LIMS1: variants seen among roughly 807,000 people sequenced by gnomAD.
LIMS1 encodes the protein LIM zinc finger domain containing 1.
Under a neutral mutation model 44.1 loss-of-function variants are expected in LIMS1, and 18 were observed. That is an observed-to-expected ratio of 0.41 (90% confidence interval 0.28 to 0.61). The LOEUF (loss-of-function observed/expected upper bound fraction) is 0.61. Ranked by LOEUF, LIMS1 falls within the 20% of genes least tolerant of loss-of-function variation. The probability of loss-of-function intolerance (pLI) is 0.32; values close to 1 mark genes in which losing one functional copy is unlikely to be tolerated. For missense variants in LIMS1, 201 were observed against 422.0 expected (o/e 0.48, Z 4.59); for synonymous variants, 93 against 149.1 (o/e 0.62, Z 2.74).
At chr2:108,593,533 A>G (rs1686513098) in intron 1 of LIMS1, among the ~76,000 whole-genome samples, 1 of 152,230 alleles carries the variant, frequency 6.6e-6, no homozygotes, top group Admixed American at 6.5e-5. Flanking sequence ...TCCAGATGCT[A>G]GATTACGTCA....
At chr2:108,685,171 A>G (rs1157319740) in exon 10 of LIMS1, 1 of 152,150 alleles carries the variant, frequency 6.6e-6, no homozygotes, top group Non-Finnish European at 1.5e-5. Flanking sequence ...TTGAAATCTT[A>G]TAATTAATTT....
intron 1 of LIMS1, among the ~76,000 whole-genome samples, chr2:108,558,938 T>A (rs1310809549): frequency 6.6e-6 from 1 of 152,168 alleles, no homozygotes; most frequent in Admixed American, 6.5e-5. Flanking sequence ...CCCAAAGTGC[T>A]GGGATTACAG....
At chr2:108,563,041 T>C (rs1222679487) in intron 1 of LIMS1, among the ~76,000 whole-genome samples, 1 of 152,256 alleles carries the variant, frequency 6.6e-6, no homozygotes, top group Admixed American at 6.5e-5. Flanking sequence ...GAAGTCTGGA[T>C]GACCACATAT....
intron 1 of LIMS1, among the ~76,000 whole-genome samples, chr2:108,536,305 T>C (rs890148433): frequency 1.3e-5 from 2 of 152,252 alleles, no homozygotes; most frequent in Non-Finnish European, 2.9e-5. Context: ...CTGTACCTAT[T>C]AAACAATAAT....
chr2:108,640,464 G>A (rs996250607), intron 1 of LIMS1, among the ~76,000 whole-genome samples: 1 of 152,208 alleles, frequency 6.6e-6, no homozygotes, highest in South Asian at 2.1e-4. Context: ...AGGCCACACA[G>A]TGCTTTCAGA....
chr2:108,650,416 T>TTC lies in LIMS1; in HGVS notation c.33-9188_33-9187insCT, dbSNP rs200567583. 4.8e-3 allele frequency among the ~76,000 whole-genome samples: 701 copies of TTC among 145,060 alleles called. 6 individuals are homozygous for TTC. The highest frequency in any genetic ancestry group is 0.018 in the African/African-American group (663 of 37,832). On this transcript the variant is annotated intron_variant, in intron 1 of 9. Coordinates refer to ENST00000544547, the Ensembl canonical transcript of LIMS1. ...CGCCTAAACTTTCTTTTCTTTTCTT[T>TTC]TTTTTTTTTTTTTCTTTCGAGACGG...
At chr2:108,677,137 C>G (rs1236263169) in intron 7 of LIMS1, among the ~76,000 whole-genome samples, 1 of 152,228 alleles carries the variant, frequency 6.6e-6, no homozygotes, top group Non-Finnish European at 1.5e-5. Context: ...TCAATATCCT[C>G]ACAGCATTTT....
intron 1 of LIMS1, among the ~76,000 whole-genome samples, chr2:108,647,590 G>A (rs1452261629): frequency 6.6e-6 from 1 of 152,166 alleles, no homozygotes; most frequent in Admixed American, 6.5e-5. Context: ...ACGGAATCCA[G>A]CAGCATATCA....
intron 1 of LIMS1, among the ~76,000 whole-genome samples, chr2:108,644,773 A>G (rs1689949383): frequency 6.6e-6 from 1 of 152,062 alleles, no homozygotes; most frequent in Non-Finnish European, 1.5e-5. Context: ...ATGAATTGCT[A>G]ACTAGAATAA....
chr2:108,580,409 A>G (rs1448376114), intron 1 of LIMS1, among the ~76,000 whole-genome samples: 1 of 152,194 alleles, frequency 6.6e-6, no homozygotes, highest in Non-Finnish European at 1.5e-5. Flanking sequence ...GGTGACTGTT[A>G]GGTGGTCAGG....
At chr2:108,588,061 TATG>T (rs796429887) in intron 1 of LIMS1, among the ~76,000 whole-genome samples, 14 of 152,360 alleles carry the variant, frequency 9.2e-5, no homozygotes, top group African/African-American at 3.4e-4. Flanking sequence ...TACCTCTTTC[TATG>T]ATGATCAGTT....
At chr2:108,586,409 G>A (rs991907169) in intron 1 of LIMS1, among the ~76,000 whole-genome samples, 2 of 152,166 alleles carry the variant, frequency 1.3e-5, no homozygotes, top group Non-Finnish European at 2.9e-5. Flanking sequence ...GACCTTGTTG[G>A]GACTGAAGGC....
At chr2:108,651,142 CA>C (rs1690455498) in intron 1 of LIMS1, among the ~76,000 whole-genome samples, 2 of 152,190 alleles carry the variant, frequency 1.3e-5, no homozygotes, top group South Asian at 4.1e-4. Context: ...CCCACCATTG[CA>C]GTGGAGGACA....
At chr2:108,554,846 C>T (rs1684870148) in intron 1 of LIMS1, among the ~76,000 whole-genome samples, 1 of 152,054 alleles carries the variant, frequency 6.6e-6, no homozygotes, top group Non-Finnish European at 1.5e-5. Flanking sequence ...CAGAGAGGGA[C>T]CAGGAGCATA....
intron 1 of LIMS1, among the ~76,000 whole-genome samples, chr2:108,595,075 G>A (rs1573397550): frequency 6.6e-6 from 1 of 152,130 alleles, no homozygotes; most frequent in East Asian, 1.9e-4. Context: ...TATCATGCAA[G>A]GACATTACTG....
chr2:108,582,916 T>C (rs1256604626), intron 1 of LIMS1, among the ~76,000 whole-genome samples: 2 of 152,220 alleles, frequency 1.3e-5, no homozygotes, highest in Non-Finnish European at 2.9e-5. Context: ...TCATAGGTGG[T>C]ACTAACATTA....
At chr2:108,574,574 G>T (rs1685602589) in intron 1 of LIMS1, among the ~76,000 whole-genome samples, 1 of 152,014 alleles carries the variant, frequency 6.6e-6, no homozygotes, top group Non-Finnish European at 1.5e-5. Flanking sequence ...TAGAGAGGAG[G>T]AGGAGTAGGG....
intron 1 of LIMS1, among the ~76,000 whole-genome samples, chr2:108,606,137 A>G (rs568478268): frequency 6.6e-6 from 1 of 152,366 alleles, no homozygotes; most frequent in South Asian, 2.1e-4. Context: ...ACAACCTTCT[A>G]ATTATAACTT....
At chr2:108,534,780 A>G (rs1684066337) in intron 1 of LIMS1, among the ~76,000 whole-genome samples, 186 bp downstream of exon 1, 1 of 151,676 alleles carries the variant, frequency 6.6e-6, no homozygotes, top group South Asian at 2.1e-4. Context: ...CCCGCGGAGG[A>G]GACGGCTGCT....
Sources: allele counts gnomAD v4.1 joint callset (sites outside exome capture counted in the v4.1 genomes callset), GRCh38; gene constraint gnomAD v4.1.1; transcripts MANE v1.5; gene names NCBI Gene and HGNC (gene_info 2026-07-23, HGNC 2026-07-21).